PLEKHG6: variants seen among roughly 807,000 people sequenced by gnomAD.
The protein encoded by PLEKHG6 is pleckstrin homology and RhoGEF domain containing G6.
A neutral mutation model predicts 97.5 loss-of-function variants in PLEKHG6; 91 were observed. The observed-to-expected ratio is 0.93, with a 90% CI of 0.79 to 1.11. The LOEUF (loss-of-function observed/expected upper bound fraction) is 1.11. Ranked by LOEUF, PLEKHG6 falls within the 50% of genes most tolerant of loss-of-function variation. The pLI is 0.00. For synonymous variants in PLEKHG6, 466 were observed against 425.5 expected (o/e 1.10, Z -1.17); for missense variants, 1,044 against 1,031.0 (o/e 1.01, Z -0.17).
chr12:6,322,145 C>T (rs973438568), intron 13 of PLEKHG6, among the ~76,000 whole-genome samples: 5 of 152,204 alleles, frequency 3.3e-5, no homozygotes, highest in Non-Finnish European at 7.3e-5. Context: ...CCTCCCGAAG[C>T]TTCAGTTTGG....
Position 6,313,839 on chromosome 12 carries a change from T to C in PLEKHG6, c.294+55T>C, listed in dbSNP as rs1947358175. Reference sequence around the variant, plus strand: ...CACATACGGCCCCAATTGTGATGGCTCCGCAGATGACCAGCAAGCTCCGGG... The same window carrying C: ...CACATACGGCCCCAATTGTGATGGCCCCGCAGATGACCAGCAAGCTCCGGG... On this transcript the variant is annotated intron_variant, in intron 3 of 15. Coordinates refer to ENST00000684764, the MANE Select transcript of PLEKHG6 (RefSeq NM_001384598.1). 2.0e-6 allele frequency: 3 copies of C among 1,470,684 alleles called. No individual in the cohort carries two copies. In the East Asian group the frequency reaches 7.0e-5, roughly 34 times the overall value. The allele number at this position is 1,470,684 out of a possible 1,614,324, so 91.1% of individuals were successfully genotyped here.
intron 13 of PLEKHG6, among the ~76,000 whole-genome samples, chr12:6,325,753 G>A (rs1947838151): frequency 6.6e-6 from 1 of 152,182 alleles, no homozygotes; most frequent in Admixed American, 6.5e-5. Flanking sequence ...TCCTGAAGGA[G>A]GGGGAAGACC....
Position 6,317,576 on chromosome 12 carries a change from G to A in PLEKHG6, c.897G>A (p.Arg299=), listed in dbSNP as rs1206508707. The change falls in exon 9 of 16, where the codon AGG becomes AGA. Residue 299 remains arginine (R), a synonymous_variant. Coordinates refer to ENST00000684764, the MANE Select transcript of PLEKHG6 (RefSeq NM_001384598.1). Reference sequence around the variant, plus strand: ...GTGAGAAGCACAAGCGCTCTGGGAGGCAGATGCTCTGTGACTTGCTTATCA... The same window carrying A: ...GTGAGAAGCACAAGCGCTCTGGGAGACAGATGCTCTGTGACTTGCTTATCA... The part of the protein sequence containing the change: ...QWCEKHKRSG[R]QMLCDLLIKP... 1 of 1,613,894 alleles carries A rather than the reference G, an allele frequency of 6.2e-7. No individual in the cohort carries two copies. Among genetic ancestry groups the A allele is most frequent in the Admixed American group, 1.7e-5 (1 of 60,030 alleles).
intron 2 of PLEKHG6, chr12:6,312,586 G>A (rs910843883): frequency 1.3e-5 from 17 of 1,285,590 alleles, no homozygotes; most frequent in Non-Finnish European, 1.7e-5. Context: ...GCGGAGCCAG[G>A]AGAAGCCAGG....
At position 6,328,302 on chromosome 12, in the gene PLEKHG6, A is replaced by C. The variant is rs1947947672; in HGVS notation, c.*157A>C. 1.5e-6 allele frequency: 1 copy of C among 665,558 alleles called. No individual in the cohort carries two copies. Among genetic ancestry groups the C allele is most frequent in the South Asian group, 1.9e-5 (1 of 52,316 alleles). The allele number at this position is 665,558 out of a possible 1,614,324, so 41.2% of individuals were successfully genotyped here. A position where few individuals can be genotyped will look rare whatever the true frequency, so the allele number is the denominator to read the frequency against. Reference sequence around the variant, plus strand: ...TGCCTCCTGCTCTGTTTGGGGATCAAGAACTGTAAATTTATGTATCATAGG... The same window carrying C: ...TGCCTCCTGCTCTGTTTGGGGATCACGAACTGTAAATTTATGTATCATAGG... On this transcript the variant is annotated 3_prime_UTR_variant, in exon 16 of 16. Transcript: ENST00000684764.
At chr12:6,317,761 G>A in intron 9 of PLEKHG6, 65 bp downstream of exon 9, 1 of 1,587,592 alleles carries the variant, frequency 6.3e-7, no homozygotes, top group Non-Finnish European at 8.6e-7. Context: ...CTCTTTCTTA[G>A]TGTGTCTGTG....
chr12:6,313,244 A>G, intron 2 of PLEKHG6: 1 of 1,473,412 alleles, frequency 6.8e-7, no homozygotes, highest in Non-Finnish European at 9.3e-7. Context: ...GAGAGTTACG[A>G]GAGACCAGAA....
At position 6,317,671 on chromosome 12, in the gene PLEKHG6, G is replaced by A. The variant is rs370748302; in HGVS notation, c.992G>A (p.Arg331Gln). The A allele has an allele frequency of 6.2e-6, 10 of 1,613,674 alleles. No homozygotes were observed. The highest frequency in any genetic ancestry group is 8.5e-6 in the Non-Finnish European group (10 of 1,180,026). The change falls in exon 9 of 16, where the codon CGA becomes CAA. Residue 331 changes from arginine (R) to glutamine (Q), a missense_variant. Physicochemically the swap from Arg to Gln is conservative, Grantham distance 43. Coordinates refer to ENST00000684764, the MANE Select transcript of PLEKHG6 (RefSeq NM_001384598.1). ...GTGCTCAAGAGGAGCCCCGAGGCAC[G>A]AGCCCAAGAGGCCCTGAATGCCATG... The part of the protein sequence containing the change: ...HAVLKRSPEA[R>Q]AQEALNAMIE...
At chr12:6,319,768 G>C in intron 13 of PLEKHG6, 1 of 1,188,958 alleles carries the variant, frequency 8.4e-7, no homozygotes, top group Non-Finnish European at 1.1e-6. Flanking sequence ...ACTAGAGCTA[G>C]GTGCTAGGGA....
intron 15 of PLEKHG6, 43 bp downstream of exon 15, chr12:6,327,989 G>C (rs1592040780): frequency 2.0e-6 from 3 of 1,513,842 alleles, no homozygotes; most frequent in African/African-American, 3.0e-5. Flanking sequence ...GGCAGACGGG[G>C]ATGTCTGTAT....
At chr12:6,317,232 C>T in intron 7 of PLEKHG6, 71 bp from the exon 8 acceptor site, 1 of 981,392 alleles carries the variant, frequency 1.0e-6, no homozygotes, top group Non-Finnish European at 1.6e-6. Context: ...CTCCTGGGTC[C>T]TGCAGCTAGA....
chr12:6,318,778 C>G lies in PLEKHG6; in HGVS notation c.1309C>G (p.Leu437Val). 6.2e-7 allele frequency: 1 copy of G among 1,614,080 alleles called. No individual in the cohort carries two copies. Among genetic ancestry groups the G allele is most frequent in the South Asian group, 1.1e-5 (1 of 91,072 alleles). The change falls in exon 12 of 16, where the codon CTC becomes GTC. Residue 437 changes from leucine to valine, a missense_variant. Physicochemically the swap from Leu to Val is conservative, Grantham distance 32 (BLOSUM62 1). Coordinates refer to ENST00000684764, the MANE Select transcript of PLEKHG6 (RefSeq NM_001384598.1). ...DVYLFLFSDV[L>V]LVTKPQRKAD... ...GTACCTGTTCCTCTTCTCTGATGTG[C>G]TCCTTGTGACCAAGCCCCAGCGCAA...
chr12:6,321,814 G>A lies in PLEKHG6; in HGVS notation c.1524+2706G>A, dbSNP rs1375331372. On this transcript the variant is annotated intron_variant, in intron 13 of 15. Transcript: ENST00000684764. Reference sequence around the variant, plus strand: ...TGCACTCCAGCCTGGGCGACAGAGCGAGACTCTGTCTTAAAAAAAAAAAAA... The same window carrying A: ...TGCACTCCAGCCTGGGCGACAGAGCAAGACTCTGTCTTAAAAAAAAAAAAA... Among the ~76,000 whole-genome samples the A allele has an allele frequency of 7.5e-5, 7 of 93,096 alleles. No homozygotes were observed. In the East Asian group the frequency reaches 8.2e-4, roughly 11 times the overall value. 61.1% of individuals were successfully genotyped at this position (93,096 alleles called of 152,430 possible).
intron 14 of PLEKHG6, among the ~76,000 whole-genome samples, chr12:6,326,898 G>A (rs1039687642): frequency 1.3e-5 from 2 of 152,150 alleles, no homozygotes; most frequent in African/African-American, 2.4e-5. Flanking sequence ...TCCCCGGGGA[G>A]TGTGAGGTTC....
chr12:6,311,074 C>T (rs1947245503), intron 1 of PLEKHG6: 1 of 152,452 alleles, frequency 6.6e-6, no homozygotes, highest in South Asian at 2.1e-4. Context: ...GTTTCCTCCT[C>T]TGCTCCTGAA....
intron 11 of PLEKHG6, 119 bp downstream of exon 11, chr12:6,318,539 C>G (rs1229940596): frequency 7.5e-7 from 1 of 1,341,272 alleles, no homozygotes; most frequent in Non-Finnish European, 1.0e-6. Flanking sequence ...TGGCTAAGCC[C>G]CAGTCATTTG....
chr12:6,320,698 A>G (rs1398841096), intron 13 of PLEKHG6, among the ~76,000 whole-genome samples: 2 of 152,170 alleles, frequency 1.3e-5, no homozygotes, highest in Non-Finnish European at 2.9e-5. Flanking sequence ...TCACATTCAC[A>G]GGTTCCAGAG....
In PLEKHG6 at chr12:6,317,305, T is replaced by A; in HGVS notation, c.759T>A (p.Phe253Leu). The change falls in exon 8 of 16, where the codon TTT (phenylalanine) becomes TTA (leucine). Residue 253 changes from phenylalanine to leucine, a missense_variant and splice_region_variant. Physicochemically the swap from Phe to Leu is conservative, Grantham distance 22. Transcript: ENST00000684764. ...ACCTCCCGTATCTGTCTCTCCAGTT[T>A]GGCCAGCGGTTCCACCCCTATGTCC... ...PIGLQSGFLT[F>L]GQRFHPYVQY... The A allele has an allele frequency of 6.2e-7, 1 of 1,609,266 alleles. No individual in the cohort carries two copies. The highest frequency in any genetic ancestry group is 8.5e-7 in the Non-Finnish European group (1 of 1,175,740).
chr12:6,312,544 C>A, intron 2 of PLEKHG6, 180 bp downstream of exon 2: 1 of 1,139,576 alleles, frequency 8.8e-7, no homozygotes, highest in Non-Finnish European at 1.2e-6. Context: ...CCAGGGATAT[C>A]ACACCCCAGT....
Sources: allele counts gnomAD v4.1 joint callset (sites outside exome capture counted in the v4.1 genomes callset), GRCh38; gene constraint gnomAD v4.1.1; transcripts MANE v1.5; gene names NCBI Gene and HGNC (gene_info 2026-07-23, HGNC 2026-07-21).